The following R3HDM1 variants were observed in gnomAD, a reference collection of about 807,000 sequenced individuals.
R3HDM1 encodes the protein R3H domain-containing protein 1.
Under a neutral mutation model 141.1 loss-of-function variants are expected in R3HDM1, and 46 were observed. That is an observed-to-expected ratio of 0.33 (90% CI 0.26 to 0.42). R3HDM1 has a LOEUF of 0.42. R3HDM1 is among the 10% of genes least tolerant of loss of function. The pLI, the probability that R3HDM1 is intolerant of heterozygous loss-of-function variation, is 1.00. For missense variants in R3HDM1, 1,184 were observed against 1,368.3 expected, an observed-to-expected ratio of 0.87 and a Z score of 2.12; for synonymous variants, 435 against 472.9, an observed-to-expected ratio of 0.92 and a Z score of 1.04.
At chr2:135,622,282 C>A (rs1174561573) in intron 6 of R3HDM1, 2 of 984,472 alleles carry the variant, frequency 2.0e-6, no homozygotes, top group Admixed American at 1.2e-4. Context: ...TCTTAATTTG[C>A]TACAAATGTA....
chr2:135,670,138 C>CAAAAA (rs869047478), intron 19 of R3HDM1: 8 of 97,580 alleles, frequency 8.2e-5, no homozygotes, highest in Non-Finnish European at 1.2e-4. Flanking sequence ...GACTCAGTCT[C>CAAAAA]AAAAAAAAAA....
intron 1 of R3HDM1, among the ~76,000 whole-genome samples, chr2:135,570,768 T>C (rs1437198986): frequency 2.0e-5 from 3 of 152,244 alleles, no homozygotes; most frequent in Non-Finnish European, 2.9e-5. Flanking sequence ...TTGTTGCTCT[T>C]ACATGCCATC....
At chr2:135,576,572 T>C (rs910880893) in intron 1 of R3HDM1, among the ~76,000 whole-genome samples, 4 of 152,212 alleles carry the variant, frequency 2.6e-5, no homozygotes, top group African/African-American at 9.6e-5. Flanking sequence ...TTTCATAGCA[T>C]TATTCATAAC....
intron 21 of R3HDM1, 61 bp downstream of exon 21, chr2:135,680,385 G>A (rs945985266): frequency 6.4e-7 from 1 of 1,571,942 alleles, no homozygotes; most frequent in African/African-American, 1.4e-5. Context: ...ATTATGGTCT[G>A]TTGCTAGTTT....
In R3HDM1 at chr2:135,638,759, G is replaced by C; in HGVS notation, c.962G>C (p.Ser321Thr). Residue 321 changes from serine (S) to threonine (T), a missense_variant, in exon 13 of 27, where the codon AGT (serine) becomes ACT (threonine). By Grantham distance (58) the Ser-to-Thr change is moderately conservative. This residue lies in a region of R3HDM1 where 240 missense variants were observed against 312.3 expected (regional missense o/e 0.77). Coordinates refer to ENST00000683871, the MANE Select transcript of R3HDM1 (RefSeq NM_001378107.1). Reference protein sequence around the residue: ...IDKRLQDEDASSTQQRRQIFR... With the variant: ...IDKRLQDEDATSTQQRRQIFR... ...AACAGACTCCAAGACGAGGATGCCA[G>C]TAGTACCCAGCAGAGGCGCCAGATA... 6.2e-7 allele frequency: 1 copy of C among 1,614,080 alleles called. No individual in the cohort carries two copies.
intron 1 of R3HDM1, chr2:135,577,088 AAG>A (rs1268453630): frequency 3.2e-6 from 3 of 948,256 alleles, no homozygotes; most frequent in Non-Finnish European, 2.5e-6. Context: ...TAAATGTTTA[AAG>A]AGAGAGAAAA....
intron 17 of R3HDM1, 42 bp from the exon 18 acceptor site, chr2:135,651,688 T>C: frequency 6.5e-7 from 1 of 1,538,078 alleles, no homozygotes; most frequent in Non-Finnish European, 8.8e-7. Flanking sequence ...GTTTGGCCTA[T>C]GTGTAGAAGG....
At chr2:135,584,661 C>G (rs1707477343) in intron 1 of R3HDM1, among the ~76,000 whole-genome samples, 1 of 152,174 alleles carries the variant, frequency 6.6e-6, no homozygotes, top group East Asian at 1.9e-4. Flanking sequence ...CTCTACTTGA[C>G]AGCAATAAAA....
chr2:135,580,167 C>G (rs1405897744), intron 1 of R3HDM1, among the ~76,000 whole-genome samples: 1 of 152,152 alleles, frequency 6.6e-6, no homozygotes, highest in Non-Finnish European at 1.5e-5. Context: ...GGGAGGATGG[C>G]TTGAGCCCAG....
At chr2:135,586,463 TCTC>T (rs1397788790) in intron 1 of R3HDM1, 1 of 154,514 alleles carries the variant, frequency 6.5e-6, no homozygotes, top group Non-Finnish European at 1.4e-5. Context: ...GGAAAGAACA[TCTC>T]CTTAACTCTG....
At chr2:135,639,153 A>G (rs1559315799) in intron 14 of R3HDM1, 31 bp downstream of exon 14, 1 of 1,591,532 alleles carries the variant, frequency 6.3e-7, no homozygotes, top group Non-Finnish European at 8.6e-7. Flanking sequence ...CTGTGCAGTC[A>G]AGTCATTAGT....
Position 135,638,936 on chromosome 2 carries a change from C to G in R3HDM1, c.1033C>G (p.Gln345Glu). The change falls in exon 14 of 27, where the codon CAA becomes GAA. Residue 345 changes from glutamine (Q) to glutamate (E), a missense_variant. Transcript: ENST00000683871. ...DASGRSTNSH[Q>E]SSTENELKYS... Reference sequence around the variant, plus strand: ...TTCAGGGAGATCTACAAATAGCCATCAAAGCAGCACTGAGAATGAGTTGAA... The same window carrying G: ...TTCAGGGAGATCTACAAATAGCCATGAAAGCAGCACTGAGAATGAGTTGAA... 1 of 1,614,034 alleles carries G rather than the reference C, an allele frequency of 6.2e-7. No individual in the cohort carries two copies. Among genetic ancestry groups the G allele is most frequent in the East Asian group, 2.2e-5 (1 of 44,886 alleles).
At chr2:135,712,958 T>G (rs1487575194) in intron 23 of R3HDM1, among the ~76,000 whole-genome samples, 1 of 152,000 alleles carries the variant, frequency 6.6e-6, no homozygotes, top group Non-Finnish European at 1.5e-5. Flanking sequence ...TCCCAGCACT[T>G]TGGGAGGCCA....
chr2:135,610,968 T>C (rs1431686720), intron 3 of R3HDM1, among the ~76,000 whole-genome samples: 2 of 151,882 alleles, frequency 1.3e-5, no homozygotes, highest in Non-Finnish European at 2.9e-5. Context: ...AAATTATTCA[T>C]GCGTCACGGT....
intron 21 of R3HDM1, among the ~76,000 whole-genome samples, chr2:135,701,451 C>T (rs2074194006): frequency 6.6e-6 from 1 of 152,120 alleles, no homozygotes; most frequent in African/African-American, 2.4e-5. Context: ...TAAATGTACT[C>T]ATCCTTGTGG....
In R3HDM1 at chr2:135,547,264, A is replaced by G. The variant is rs147922449; in HGVS notation, c.-250+15631A>G. ...GCATTTTTAAAAATCAAAACAGTAC[A>G]TGCACATAGAAATCAGTATGGTGGG... On this transcript the variant is annotated intron_variant, in intron 1 of 26. Transcript: ENST00000683871. 2.9e-3 allele frequency among the ~76,000 whole-genome samples: 443 copies of G among 152,298 alleles called. 2 individuals are homozygous for G. Among genetic ancestry groups the G allele is most frequent in the Admixed American group, 5.2e-3 (80 of 15,292 alleles).
At position 135,672,063 on chromosome 2, in the gene R3HDM1, AAG is replaced by A. The variant is rs536296890; in HGVS notation, c.2153-3265_2153-3264del. ...TGTAGAGTTTTATGAGATGTGGCAT[AAG>A]AGAATGGACAAAATCGTAAAGGGAT... On this transcript the variant is annotated intron_variant, in intron 19 of 26. Coordinates refer to ENST00000683871, the MANE Select transcript of R3HDM1 (RefSeq NM_001378107.1). 2.0e-3 allele frequency among the ~76,000 whole-genome samples: 301 copies of A among 152,306 alleles called. 3 individuals carry two copies. Among genetic ancestry groups the A allele is most frequent in the African/African-American group, 7.0e-3 (291 of 41,570 alleles).
chr2:135,544,963 T>TA (rs942970509), intron 1 of R3HDM1, among the ~76,000 whole-genome samples: 36 of 151,180 alleles, frequency 2.4e-4, no homozygotes, highest in Admixed American at 1.6e-3. Flanking sequence ...AAACTCTGTC[T>TA]AAAAAAAAAG....
intron 7 of R3HDM1, chr2:135,622,967 A>T: frequency 1.0e-6 from 1 of 980,956 alleles, no homozygotes; most frequent in Non-Finnish European, 1.2e-6. Flanking sequence ...ATATAGAATC[A>T]CTAAGATATT....
Sources: gnomAD v4.1 joint callset for allele counts (sites outside exome capture counted in the v4.1 genomes callset) on GRCh38, gnomAD v4.1.1 for gene constraint, gnomAD v4.1.1 regional missense constraint, MANE v1.5 for transcripts, NCBI Gene and HGNC (gene_info 2026-07-23, HGNC 2026-07-21) for gene names.